Variants in THRB observed in about 807,000 individuals in gnomAD.
The protein encoded by THRB is thyroid hormone receptor beta.
In THRB, 12 loss-of-function variants were observed where a neutral mutation model predicts 47.8. That is an observed-to-expected ratio of 0.25 (90% CI 0.16 to 0.41). THRB has a LOEUF of 0.41. Among genes scored for constraint, THRB ranks in the 10% least tolerant of loss-of-function variants. The pLI, the probability that THRB is intolerant of heterozygous loss-of-function variation, is 1.00. For missense variants in THRB, 348 were observed against 589.2 expected (o/e 0.59, Z 4.24); for synonymous variants, 218 against 212.2 (o/e 1.03, Z -0.24).
rs2055916659 is a variant in THRB at position 24,291,504 on chromosome 3, C to T, written c.-43+5722G>A. 5.3e-5 allele frequency among the ~76,000 whole-genome samples: 8 copies of T among 152,124 alleles called. No homozygotes were observed. In the South Asian group the frequency reaches 1.7e-3, roughly 32 times the overall value. On this transcript the variant is annotated intron_variant, in intron 3 of 10. Coordinates refer to ENST00000646209, the MANE Select transcript of THRB (RefSeq NM_001354712.2). ...CTTATACAAAAGGGTGTAATATTTGCATAAAACCTACAGACATTCTCCCAT... is the reference window on the plus strand; with the variant it reads ...CTTATACAAAAGGGTGTAATATTTGTATAAAACCTACAGACATTCTCCCAT...
intron 3 of THRB, among the ~76,000 whole-genome samples, chr3:24,284,993 A>G (rs1300180868): frequency 6.6e-6 from 1 of 152,126 alleles, no homozygotes; most frequent in East Asian, 1.9e-4. Flanking sequence ...GGGACTGTAA[A>G]CTAGTTCAAC....
chr3:24,199,991 G>T (rs898739072), intron 4 of THRB, among the ~76,000 whole-genome samples: 1 of 152,176 alleles, frequency 6.6e-6, no homozygotes, highest in Non-Finnish European at 1.5e-5. Context: ...CCCCAGGAAT[G>T]GTCATTTGAT....
intron 1 of THRB, among the ~76,000 whole-genome samples, chr3:24,453,967 C>T (rs2072924026): frequency 6.6e-6 from 1 of 152,142 alleles, no homozygotes. Context: ...ACTAAAATAA[C>T]CTCTGTATTA....
rs2035090420 is a variant in THRB, at chr3:24,139,142, T to C, written c.738+4359A>G. Among the ~76,000 whole-genome samples, 5 of 152,302 alleles carry C rather than the reference T, an allele frequency of 3.3e-5. No homozygotes were observed. In the South Asian group the frequency reaches 1.0e-3, roughly 32 times the overall value. ...ACACATGAATTGTTGGTGGTGAAAT[T>C]AGGCATTTCTGTAGCCTCAGAGATT... is the stretch of plus-strand genomic sequence containing the variant. On this transcript the variant is annotated intron_variant, in intron 8 of 10. Transcript: ENST00000646209.
intron 1 of THRB, among the ~76,000 whole-genome samples, chr3:24,412,038 G>A (rs1289762934): frequency 3.3e-5 from 5 of 151,782 alleles, no homozygotes; most frequent in Non-Finnish European, 7.4e-5. Context: ...ATAGGTGCAG[G>A]AGAGGGAAAG....
chr3:24,430,456 T>C (rs1469506768), intron 1 of THRB, among the ~76,000 whole-genome samples: 7 of 152,056 alleles, frequency 4.6e-5, no homozygotes, highest in African/African-American at 1.7e-4. Context: ...CCTCATGCCA[T>C]ATAACACAAG....
At chr3:24,311,366 T>C (rs542616435) in intron 2 of THRB, among the ~76,000 whole-genome samples, 3 of 152,182 alleles carry the variant, frequency 2.0e-5, no homozygotes, top group Non-Finnish European at 4.4e-5. Context: ...GGCCAGGGCT[T>C]AAGCAAAATT....
At chr3:24,261,846 A>AT (rs2052076192) in intron 3 of THRB, among the ~76,000 whole-genome samples, 1 of 152,064 alleles carries the variant, frequency 6.6e-6, no homozygotes, top group Non-Finnish European at 1.5e-5. Context: ...CACTTTGCTG[A>AT]TTTTTCTCAC....
chr3:24,286,129 G>A (rs2055265205), intron 3 of THRB, among the ~76,000 whole-genome samples: 1 of 152,188 alleles, frequency 6.6e-6, no homozygotes, highest in South Asian at 2.1e-4. Flanking sequence ...ACCAGACAGT[G>A]AATCTGCTGA....
chr3:24,346,578 T>A (rs191993972), intron 1 of THRB, among the ~76,000 whole-genome samples: 1 of 152,154 alleles, frequency 6.6e-6, no homozygotes, highest in Admixed American at 6.5e-5. Context: ...ACACTTTTGA[T>A]ATTAGGACAC....
chr3:24,125,834 T>C (rs919207657), intron 10 of THRB, among the ~76,000 whole-genome samples: 6 of 152,170 alleles, frequency 3.9e-5, no homozygotes, highest in Admixed American at 3.3e-4. Flanking sequence ...AAATTTGCCA[T>C]ATTCTCTTGG....
rs545688433 is a variant in THRB at position 24,452,729 on chromosome 3, T to C, written c.-261+41923A>G. 9.2e-5 allele frequency among the ~76,000 whole-genome samples: 14 copies of C among 152,178 alleles called. No individual in the cohort carries two copies. The South Asian group carries it at 2.7e-3, about 29-fold the overall frequency. On this transcript the variant is annotated intron_variant, in intron 1 of 10. Transcript: ENST00000646209. ...TATTTATGATCACTCAAATAGTAAA[T>C]GGAGGGGTAAAGTTCAAAAGATGGT...
chr3:24,189,164 G>C (rs540730483), intron 5 of THRB, among the ~76,000 whole-genome samples: 16 of 152,000 alleles, frequency 1.1e-4, no homozygotes, highest in Non-Finnish European at 1.9e-4. Context: ...TTGTAAATGG[G>C]AGTCTTTGCA....
intron 3 of THRB, among the ~76,000 whole-genome samples, chr3:24,279,478 G>A (rs964653814): frequency 3.9e-5 from 6 of 152,052 alleles, no homozygotes; most frequent in South Asian, 2.1e-4. Flanking sequence ...TCCACCTCCC[G>A]GGTTCACGCC....
intron 1 of THRB, among the ~76,000 whole-genome samples, chr3:24,447,501 AAT>A (rs2072214147): frequency 3.3e-5 from 5 of 152,138 alleles, no homozygotes; most frequent in Admixed American, 3.3e-4. Flanking sequence ...GTGTCCTGTT[AAT>A]ATATTAATAA....
chr3:24,392,893 C>T (rs1473856297), intron 1 of THRB, among the ~76,000 whole-genome samples: 2 of 152,120 alleles, frequency 1.3e-5, no homozygotes, highest in Non-Finnish European at 2.9e-5. Flanking sequence ...CTTTATTCTA[C>T]TTTTTATTAT....
In THRB at chr3:24,436,134, A is replaced by T. The variant is rs116056402; in HGVS notation, c.-261+58518T>A. On this transcript the variant is annotated intron_variant, in intron 1 of 10. Transcript: ENST00000646209. ...AAATAACACTGGTATAACAATGTATAGTATATATCTGGGGGCAAGTGCAGG... is the reference window on the plus strand; with the variant it reads ...AAATAACACTGGTATAACAATGTATTGTATATATCTGGGGGCAAGTGCAGG... Among the ~76,000 whole-genome samples, 1,439 of 152,238 alleles carry T rather than the reference A, an allele frequency of 9.5e-3. 23 individuals are homozygous for T. Among genetic ancestry groups the T allele is most frequent in the African/African-American group, 0.033 (1,356 of 41,548 alleles).
At position 24,415,839 on chromosome 3, in the gene THRB, A is replaced by C. The variant is rs189920385; in HGVS notation, c.-260-78468T>G. On this transcript the variant is annotated intron_variant, in intron 1 of 10. Transcript: ENST00000646209. Reference sequence around the variant, plus strand: ...GCTAGTATCCTAACTTAGTGAACTTACTGAGTTGATACAGATCCAGACAGA... The same window carrying C: ...GCTAGTATCCTAACTTAGTGAACTTCCTGAGTTGATACAGATCCAGACAGA... 2.4e-4 allele frequency among the ~76,000 whole-genome samples: 36 copies of C among 152,008 alleles called. No homozygotes were observed. The East Asian group carries it at 5.5e-3, about 23-fold the overall frequency.
intron 1 of THRB, among the ~76,000 whole-genome samples, chr3:24,385,422 C>T (rs997812298): frequency 3.9e-5 from 6 of 152,108 alleles, no homozygotes; most frequent in African/African-American, 1.4e-4. Context: ...TACACACACA[C>T]ACACACACAC....
Sources: allele counts gnomAD v4.1 joint callset (sites outside exome capture counted in the v4.1 genomes callset), GRCh38; gene constraint gnomAD v4.1.1; transcripts MANE v1.5; gene names NCBI Gene and HGNC (gene_info 2026-07-23, HGNC 2026-07-21).